MYB: variants seen among roughly 807,000 people sequenced by gnomAD.
MYB encodes the protein MYB proto-oncogene, transcription factor.
Under a neutral mutation model 92.9 loss-of-function variants are expected in MYB, and 28 were observed. That is an observed-to-expected ratio of 0.30 (90% CI 0.22 to 0.41). The LOEUF is 0.41. Ranked by LOEUF, MYB falls within the 10% of genes least tolerant of loss-of-function variation. The pLI is 1.00. For missense variants in MYB, 679 were observed against 929.3 expected, an observed-to-expected ratio of 0.73 and a Z score of 3.50; for synonymous variants, 295 against 329.1, an observed-to-expected ratio of 0.90 and a Z score of 1.12.
intron 8 of MYB, 166 bp downstream of exon 8, chr6:135,194,626 T>TA: frequency 1.7e-6 from 1 of 584,556 alleles, no homozygotes; most frequent in Non-Finnish European, 3.0e-6. Context: ...TATCAGATTA[T>TA]ATGCTGATTA....
In MYB at chr6:135,181,455, G is replaced by T. The variant is rs1775019282; in HGVS notation, c.-59G>T. On this transcript the variant is annotated 5_prime_UTR_variant, in exon 1 of 16. Coordinates refer to ENST00000341911, the MANE Select transcript of MYB (RefSeq NM_001130173.2). This position sits in a 1 kb window ranked among gnomAD's most constrained non-coding sequence, Gnocchi z 5.3. ...GACGCAGGCAGGCGGCGGGCAGCGG[G>T]AGGCGGCAGCCCGGTGCGGTCCCCG... The T allele has an allele frequency of 3.6e-6, 4 of 1,098,084 alleles. No individual in the cohort carries two copies. Among genetic ancestry groups the T allele is most frequent in the Non-Finnish European group, 4.5e-6 (4 of 896,968 alleles). 68.0% of individuals were successfully genotyped at this position (1,098,084 alleles called of 1,614,324 possible).
intron 15 of MYB, among the ~76,000 whole-genome samples, chr6:135,215,573 A>G (rs139323048): frequency 6.6e-6 from 1 of 152,300 alleles, no homozygotes; most frequent in Non-Finnish European, 1.5e-5. Flanking sequence ...GAGGAGTTAT[A>G]TCAATAACAC....
In MYB at chr6:135,197,034, A is replaced by T. The variant is rs1158147714; in HGVS notation, c.1277A>T (p.His426Leu). ...GCAGATTTTTCACCTAGCCAACATCACACAGGCAAAGCCCTACAGCTTCAG... is the reference window on the plus strand; with the variant it reads ...GCAGATTTTTCACCTAGCCAACATCTCACAGGCAAAGCCCTACAGCTTCAG... ...EEADFSPSQH[H>L]TGKALQLQQR... The change falls in exon 10 of 16, where the codon CAC becomes CTC. Residue 426 changes from histidine (H) to leucine (L), a missense_variant. His to Leu is a moderately conservative substitution (Grantham distance 99). Transcript: ENST00000341911. The T allele has an allele frequency of 6.2e-7, 1 of 1,614,032 alleles. No individual in the cohort carries two copies. Among genetic ancestry groups the T allele is most frequent in the South Asian group, 1.1e-5 (1 of 91,086 alleles).
chr6:135,197,006 GA>G lies in MYB; in HGVS notation c.1251del (p.Ala418GlnfsTer34), dbSNP rs766169448. ...CDLSSFEFFE[E>X]ADFSPSQHHT... ...TCTCAGCAGTTTTGAATTCTTTGAAGAAGCAGATTTTTCACCTAGCCAACAT... is the reference window on the plus strand; with the variant it reads ...TCTCAGCAGTTTTGAATTCTTTGAAGAGCAGATTTTTCACCTAGCCAACAT... On this transcript the variant is annotated frameshift_variant, in exon 10 of 16. Transcript: ENST00000341911. LOFTEE classifies it high-confidence loss of function. 3.1e-6 allele frequency: 5 copies of G among 1,613,912 alleles called. No individual in the cohort carries two copies. The highest frequency in any genetic ancestry group is 4.2e-6 in the Non-Finnish European group (5 of 1,179,854).
intron 15 of MYB, among the ~76,000 whole-genome samples, chr6:135,209,198 C>T (rs1430304527): frequency 6.6e-6 from 1 of 152,132 alleles, no homozygotes; most frequent in Non-Finnish European, 1.5e-5. Context: ...CTAAGTCTGT[C>T]CATTGTTATG....
In MYB at chr6:135,213,538, G is replaced by A. The variant is rs539074372; in HGVS notation, c.2170-4326G>A. Among the ~76,000 whole-genome samples the A allele has an allele frequency of 5.9e-5, 9 of 152,184 alleles. No individual in the cohort carries two copies. In the South Asian group the frequency reaches 1.9e-3, roughly 32 times the overall value. On this transcript the variant is annotated intron_variant, in intron 15 of 15. Transcript: ENST00000341911. ...ACTTAGTACTAGATTCTCCTGAATCGACTTTGGGAATTCTGAGTCAACCTA... is the reference window on the plus strand; with the variant it reads ...ACTTAGTACTAGATTCTCCTGAATCAACTTTGGGAATTCTGAGTCAACCTA...
Position 135,206,171 on chromosome 6 carries a change from A to T in MYB, c.2169+2847A>T, listed in dbSNP as rs183525637. Among the ~76,000 whole-genome samples, 419 of 139,114 alleles carry T rather than the reference A, an allele frequency of 3.0e-3. 6 individuals carry two copies. The highest frequency in any genetic ancestry group is 0.011 in the African/African-American group (403 of 37,292). 91.3% of individuals were successfully genotyped at this position (139,114 alleles called of 152,430 possible). On this transcript the variant is annotated intron_variant, in intron 15 of 15. Coordinates refer to ENST00000341911, the MANE Select transcript of MYB (RefSeq NM_001130173.2). Reference sequence around the variant, plus strand: ...CAGTGAGCTGAGATAGCGCCACTACACTCCGGCCTGGGTGACTGAGCGAGA... The same window carrying T: ...CAGTGAGCTGAGATAGCGCCACTACTCTCCGGCCTGGGTGACTGAGCGAGA...
In MYB at chr6:135,193,861, T is replaced by C. The variant is rs1172043874; in HGVS notation, c.786T>C (p.Pro262=). ...AGGTCTCCAGTCATGTTCCATACCC[T>C]GTAGCGTTACATGTAAATATAGTCA... is the stretch of plus-strand genomic sequence containing the variant. The part of the protein sequence containing the change: ...AQNVSSHVPY[P]VALHVNIVNV... Residue 262 remains proline, a synonymous_variant, in exon 7 of 16, where the codon CCT becomes CCC. Coordinates refer to ENST00000341911, the MANE Select transcript of MYB (RefSeq NM_001130173.2). 1 of 1,612,850 alleles carries C rather than the reference T, an allele frequency of 6.2e-7. No individual in the cohort carries two copies. Among genetic ancestry groups the C allele is most frequent in the Non-Finnish European group, 8.5e-7 (1 of 1,178,808 alleles).
At chr6:135,212,224 CTTTTTTTT>C (rs545704827) in intron 15 of MYB, among the ~76,000 whole-genome samples, 7 of 32,882 alleles carry the variant, frequency 2.1e-4, no homozygotes, top group African/African-American at 6.8e-4. Context: ...TTTGGTTTTA[CTTTTTTTT>C]TTTTTTTTTT....
In MYB at chr6:135,203,292, C is replaced by T. The variant is rs2128306729; in HGVS notation, c.2137C>T (p.Pro713Ser). The T allele has an allele frequency of 1.2e-6, 2 of 1,608,874 alleles. No individual in the cohort carries two copies. The highest frequency in any genetic ancestry group is 1.1e-5 in the South Asian group (1 of 90,926). ...EDNVLKAFTV[P>S]KNRSLASPLQ... ...CAATGTTCTCAAAGCATTTACAGTA[C>T]CTAAAAACAGGTCCCTGGCGAGCCC... is the stretch of plus-strand genomic sequence containing the variant. The change falls in exon 15 of 16, where the codon CCT becomes TCT. Residue 713 changes from proline to serine, a missense_variant. Transcript: ENST00000341911.
chr6:135,190,419 G>T lies in MYB; in HGVS notation c.527+72G>T. Reference sequence around the variant, plus strand: ...GGGTATTGAACATTCTGCTTTAAATGTATGGTGAGTAAATTATATTTCATC... The same window carrying T: ...GGGTATTGAACATTCTGCTTTAAATTTATGGTGAGTAAATTATATTTCATC... On this transcript the variant is annotated intron_variant, in intron 5 of 15. Transcript: ENST00000341911. This position sits in a 1 kb window ranked among gnomAD's most constrained non-coding sequence, Gnocchi z 4.5. 9.0e-7 allele frequency: 1 copy of T among 1,116,420 alleles called. No homozygotes were observed. The allele number at this position is 1,116,420 out of a possible 1,614,324, so 69.2% of individuals were successfully genotyped here.
chr6:135,211,741 T>C (rs1779733905), intron 15 of MYB, among the ~76,000 whole-genome samples: 1 of 152,200 alleles, frequency 6.6e-6, no homozygotes, highest in East Asian at 1.9e-4. Flanking sequence ...ACATTTGCAA[T>C]TGTTAGTTAG....
In MYB at chr6:135,218,035, A is replaced by G; in HGVS notation, c.*55A>G. On this transcript the variant is annotated 3_prime_UTR_variant, in exon 16 of 16. Transcript: ENST00000341911. ...AGAACACTTCAAGTTGACTTGGGAT[A>G]TATCATTCCTCAACATGAAACTTTT... The G allele has an allele frequency of 6.6e-6, 9 of 1,362,970 alleles. No individual in the cohort carries two copies. The highest frequency in any genetic ancestry group is 8.4e-6 in the Non-Finnish European group (8 of 952,628). 84.4% of individuals were successfully genotyped at this position (1,362,970 alleles called of 1,614,324 possible).
intron 15 of MYB, among the ~76,000 whole-genome samples, chr6:135,207,975 C>T (rs966868356): frequency 1.6e-4 from 24 of 152,080 alleles, no homozygotes; most frequent in African/African-American, 5.8e-4. Context: ...GATCCACCTG[C>T]CTCGGCCTCC....
Position 135,198,973 on chromosome 6 carries a change from C to G in MYB, c.1632C>G (p.Pro544=), listed in dbSNP as rs752892533. 20 of 1,611,498 alleles carry G rather than the reference C, an allele frequency of 1.2e-5. No individual in the cohort carries two copies. In the Middle Eastern group the frequency reaches 8.3e-4, roughly 67 times the overall value. ...AAATGCCTTCTTTAACTTCCACCCCCCTCATTGGTCACAAATTGACTGTTA... is the reference window on the plus strand; with the variant it reads ...AAATGCCTTCTTTAACTTCCACCCCGCTCATTGGTCACAAATTGACTGTTA... ...DLEMPSLTST[P]LIGHKLTVTT... is the part of the protein sequence containing the mutation. Residue 544 remains proline, a synonymous_variant, in exon 11 of 16, where the codon CCC becomes CCG. Coordinates refer to ENST00000341911, the MANE Select transcript of MYB (RefSeq NM_001130173.2).
intron 8 of MYB, 55 bp downstream of exon 8, chr6:135,194,515 C>T (rs1777025451): frequency 8.2e-7 from 1 of 1,218,674 alleles, no homozygotes; most frequent in Admixed American, 1.9e-5. Context: ...CCTCAGTTTA[C>T]CTAAGCGCTC....
chr6:135,187,184 A>T (rs1776032984), intron 2 of MYB, among the ~76,000 whole-genome samples: 1 of 152,240 alleles, frequency 6.6e-6, no homozygotes, highest in South Asian at 2.1e-4. Flanking sequence ...AAACTAAAAG[A>T]ACTGATTAGC....
At position 135,190,162 on chromosome 6, in the gene MYB, T is replaced by C. The variant is rs759716595; in HGVS notation, c.342T>C (p.Arg114=). ...IELVQKYGPK[R]WSVIAKHLKG... ...TTGTACAGAAATACGGTCCGAAACG[T>C]TGGTCTGTTATTGCCAAGCACTTAA... is the stretch of plus-strand genomic sequence containing the variant. The change falls in exon 5 of 16, where the codon CGT becomes CGC. Residue 114 remains arginine, a synonymous_variant. Transcript: ENST00000341911. The surrounding 1 kb of genome is among the most constrained non-coding windows in gnomAD (Gnocchi z 4.5). 6.2e-7 allele frequency: 1 copy of C among 1,614,172 alleles called. No individual in the cohort carries two copies. The highest frequency in any genetic ancestry group is 8.5e-7 in the Non-Finnish European group (1 of 1,180,014).
chr6:135,198,725 A>C (rs1043922981), intron 10 of MYB, among the ~76,000 whole-genome samples, 183 bp from the exon 11 acceptor site: 31 of 152,226 alleles, frequency 2.0e-4, no homozygotes, highest in African/African-American at 7.5e-4. Flanking sequence ...ACCACACCCA[A>C]ATCCTGGGTG....
Sources: gnomAD v4.1 joint callset for allele counts (sites outside exome capture counted in the v4.1 genomes callset) on GRCh38, gnomAD v4.1.1 for gene constraint, Gnocchi (gnomAD v3.1) non-coding constraint, MANE v1.5 for transcripts, NCBI Gene and HGNC (gene_info 2026-07-23, HGNC 2026-07-21) for gene names.